Variants in NANOGNB observed in about 807,000 individuals in gnomAD.
NANOGNB encodes the protein homeobox C14.
Under a neutral mutation model 25.0 loss-of-function variants are expected in NANOGNB, and 30 were observed. The observed-to-expected ratio is 1.20, with a 90% CI of 0.90 to 1.63. NANOGNB has a LOEUF of 1.63. Among genes scored for constraint, NANOGNB ranks in the 40% most tolerant of loss-of-function variants. The probability of loss-of-function intolerance (pLI) is 0.00; values close to 1 mark genes in which losing one functional copy is unlikely to be tolerated. For synonymous variants in NANOGNB, 84 were observed against 62.1 expected (o/e 1.35, Z -1.66); for missense variants, 200 against 188.1 (o/e 1.06, Z -0.37).
rs1034341755 is a variant in NANOGNB, at chr12:7,769,989, T to A, written c.109T>A (p.Ser37Thr). 2.0e-5 allele frequency: 30 copies of A among 1,501,456 alleles called. No individual in the cohort carries two copies. The highest frequency in any genetic ancestry group is 2.7e-5 in the Non-Finnish European group (30 of 1,130,276). 93.0% of individuals were successfully genotyped at this position (1,501,456 alleles called of 1,614,324 possible). ...IETILANKKQ[S>T]AMPWDQDPEQ... ...CACGGATCTTTTTATACAGAAACAA[T>A]CAGCTATGCCTTGGGATCAAGATCC... is the stretch of plus-strand genomic sequence containing the variant. The change falls in exon 2 of 4, where the codon TCA becomes ACA. Residue 37 changes from serine to threonine, a missense_variant. Transcript: ENST00000382119.
Position 7,765,255 on chromosome 12 carries a change from C to T in NANOGNB, c.-31C>T, listed in dbSNP as rs772529209. On this transcript the variant is annotated 5_prime_UTR_variant, in exon 1 of 4. Coordinates refer to ENST00000382119, the MANE Select transcript of NANOGNB (RefSeq NM_001145465.1). ...GTCGGTCATCTCTGTAACCTCCCTA[C>T]CAAGGACTAATTGGTCTTTAAAACT... 22 of 1,288,782 alleles carry T rather than the reference C, an allele frequency of 1.7e-5. No individual in the cohort carries two copies. In the South Asian group the frequency reaches 2.5e-4, roughly 14 times the overall value. 79.8% of individuals were successfully genotyped at this position (1,288,782 alleles called of 1,614,324 possible).
Position 7,773,853 on chromosome 12 carries a change from C to T in NANOGNB, c.*2C>T, listed in dbSNP as rs1394470453. On this transcript the variant is annotated 3_prime_UTR_variant, in exon 4 of 4. Coordinates refer to ENST00000382119, the MANE Select transcript of NANOGNB (RefSeq NM_001145465.1). ...TCTCGAACTCCTGCCCTCAAGTGAT[C>T]TTCCTATTTTGGCCTCCAGAAATGC... is the stretch of plus-strand genomic sequence containing the variant. 5.4e-6 allele frequency: 3 copies of T among 556,444 alleles called. No homozygotes were observed. Among genetic ancestry groups the T allele is most frequent in the Admixed American group, 3.2e-5 (1 of 31,078 alleles). 34.5% of individuals were successfully genotyped at this position (556,444 alleles called of 1,614,324 possible). A position where few individuals can be genotyped will look rare whatever the true frequency, so the allele number is the denominator to read the frequency against.
chr12:7,771,714 G>A (rs901736595), intron 3 of NANOGNB, among the ~76,000 whole-genome samples: 2 of 151,774 alleles, frequency 1.3e-5, no homozygotes, highest in Non-Finnish European at 2.9e-5. Context: ...TCTACCTCCT[G>A]GGTTCAAGCG....
chr12:7,767,965 G>C (rs538651539), intron 1 of NANOGNB, among the ~76,000 whole-genome samples: 69 of 151,918 alleles, frequency 4.5e-4, no homozygotes, highest in Non-Finnish European at 8.8e-4. Flanking sequence ...CTCTCGCCTC[G>C]GCCTCCCAAA....
At chr12:7,770,573 C>T (rs181845898) in intron 3 of NANOGNB, 55 bp downstream of exon 3, 73 of 1,157,504 alleles carry the variant, frequency 6.3e-5, no homozygotes, top group Admixed American at 3.9e-4. Context: ...TATTGACTTC[C>T]GGAGTTGGTT....
chr12:7,768,427 G>A (rs1865263538), intron 1 of NANOGNB, among the ~76,000 whole-genome samples: 1 of 152,092 alleles, frequency 6.6e-6, no homozygotes, highest in African/African-American at 2.4e-5. Context: ...TTGAGTATCA[G>A]TGTGATGGTC....
At chr12:7,767,529 C>T (rs1471062793) in intron 1 of NANOGNB, among the ~76,000 whole-genome samples, 1 of 151,908 alleles carries the variant, frequency 6.6e-6, no homozygotes, top group Non-Finnish European at 1.5e-5. Flanking sequence ...GCTGCCATCC[C>T]ACCTCACCCA....
In NANOGNB at chr12:7,774,062, T is replaced by G. The variant is rs1176845936; in HGVS notation, c.*211T>G. 7.9e-6 allele frequency: 3 copies of G among 379,618 alleles called. No homozygotes were observed. Among genetic ancestry groups the G allele is most frequent in the Non-Finnish European group, 9.3e-6 (2 of 215,920 alleles). The allele number at this position is 379,618 out of a possible 1,614,324, so 23.5% of individuals were successfully genotyped here. ...TGTTTTATTTTTACCCTACTGTAGA[T>G]TTAAAGTTTTTATAATGGATGTTAA... is the stretch of plus-strand genomic sequence containing the variant. On this transcript the variant is annotated 3_prime_UTR_variant, in exon 4 of 4. Coordinates refer to ENST00000382119, the MANE Select transcript of NANOGNB (RefSeq NM_001145465.1).
intron 1 of NANOGNB, among the ~76,000 whole-genome samples, chr12:7,769,326 A>AT (rs71038746): frequency 7.0e-4 from 100 of 141,864 alleles, no homozygotes; most frequent in East Asian, 1.7e-3. Context: ...TGCCTGGCAA[A>AT]TTTTTTTTTT....
chr12:7,766,220 C>T, intron 1 of NANOGNB: 2 of 398,594 alleles, frequency 5.0e-6, no homozygotes, highest in East Asian at 3.6e-5. Context: ...CCTCAAATCC[C>T]AGCACTTTGG....
chr12:7,767,381 GTT>G lies in NANOGNB; in HGVS notation c.102+2009_102+2010del, dbSNP rs63721661. Among the ~76,000 whole-genome samples, 192 of 140,272 alleles carry G rather than the reference GTT, an allele frequency of 1.4e-3. 1 individual carries two copies. The Middle Eastern group carries it at 0.014, about 11-fold the overall frequency. 92.0% of individuals were successfully genotyped at this position (140,272 alleles called of 152,430 possible). On this transcript the variant is annotated intron_variant, in intron 1 of 3. Coordinates refer to ENST00000382119, the MANE Select transcript of NANOGNB (RefSeq NM_001145465.1). ...ATAGAAGGATGTGGGTTACAAGAGG[GTT>G]TTTTTTTTTTTTTTCTAACAAAAGA...
At chr12:7,766,783 C>T (rs998138771) in intron 1 of NANOGNB, among the ~76,000 whole-genome samples, 2 of 150,852 alleles carry the variant, frequency 1.3e-5, no homozygotes, top group South Asian at 4.2e-4. Flanking sequence ...CCACTTCGGC[C>T]TCCCAAAGTG....
chr12:7,768,964 C>T (rs1189350907), intron 1 of NANOGNB, among the ~76,000 whole-genome samples: 2 of 151,926 alleles, frequency 1.3e-5, no homozygotes, highest in African/African-American at 4.8e-5. Context: ...TAATTAAAAT[C>T]CATATTAATC....
chr12:7,769,609 C>T (rs1356731828), intron 1 of NANOGNB, among the ~76,000 whole-genome samples: 2 of 152,160 alleles, frequency 1.3e-5, no homozygotes, highest in East Asian at 3.9e-4. Flanking sequence ...AGGCGTGAGC[C>T]ACCACCTCCC....
At position 7,773,546 on chromosome 12, in the gene NANOGNB, C is replaced by CAAAAAAAAAAAAAAAAAAAA. The variant is rs869038102; in HGVS notation, c.516-240_516-221dup. 5.2e-4 allele frequency among the ~76,000 whole-genome samples: 8 copies of CAAAAAAAAAAAAAAAAAAAA among 15,442 alleles called. 2 individuals are homozygous for CAAAAAAAAAAAAAAAAAAAA. Among genetic ancestry groups the CAAAAAAAAAAAAAAAAAAAA allele is most frequent in the Admixed American group, 2.7e-3 (2 of 754 alleles). The allele number at this position is 15,442 out of a possible 152,430, so 10.1% of individuals were successfully genotyped here. ...TGAAACTCCATCTCTACTAAAAATA[C>CAAAAAAAAAAAAAAAAAAAA]AAAAAAAAAAAAAAAAAAAAAAAAA... On this transcript the variant is annotated intron_variant, in intron 3 of 3. Coordinates refer to ENST00000382119, the MANE Select transcript of NANOGNB (RefSeq NM_001145465.1).
intron 1 of NANOGNB, among the ~76,000 whole-genome samples, chr12:7,768,186 A>G (rs1425915173): frequency 6.6e-6 from 1 of 152,104 alleles, no homozygotes; most frequent in African/African-American, 2.4e-5. Flanking sequence ...TTCTGCCTCT[A>G]TTGAGATGAT....
At chr12:7,772,181 G>A (rs1862574070) in intron 3 of NANOGNB, among the ~76,000 whole-genome samples, 1 of 152,220 alleles carries the variant, frequency 6.6e-6, no homozygotes. Context: ...CTTCCTGGCA[G>A]CCAGTGCAGG....
intron 3 of NANOGNB, among the ~76,000 whole-genome samples, chr12:7,773,471 C>T (rs1391423554): frequency 7.0e-6 from 1 of 142,804 alleles, no homozygotes; most frequent in East Asian, 2.1e-4. Flanking sequence ...GAGGCCAAGG[C>T]AGGTGGATCA....
In NANOGNB at chr12:7,770,180, G is replaced by C; in HGVS notation, c.300G>C (p.Gln100His). 6.4e-7 allele frequency: 1 copy of C among 1,551,800 alleles called. No individual in the cohort carries two copies. The highest frequency in any genetic ancestry group is 8.7e-7 in the Non-Finnish European group (1 of 1,146,970). The change falls in exon 2 of 4, where the codon CAG (glutamine) becomes CAC (histidine). Residue 100 changes from glutamine to histidine, a missense_variant. By Grantham distance (24) the Gln-to-His change is conservative (BLOSUM62 0). Coordinates refer to ENST00000382119, the MANE Select transcript of NANOGNB (RefSeq NM_001145465.1). Reference protein sequence around the residue: ...ENKRKRENEKQKQYPEKRLVS... With the variant: ...ENKRKRENEKHKQYPEKRLVS... The stretch of plus-strand genomic sequence containing the variant: ...AAAGGAAAAGGGAAAATGAGAAACA[G>C]AAACAGTATCCCGAGAAAAGATTAG...
Sources: gnomAD v4.1 joint callset for allele counts (sites outside exome capture counted in the v4.1 genomes callset) on GRCh38, gnomAD v4.1.1 for gene constraint, MANE v1.5 for transcripts, NCBI Gene and HGNC (gene_info 2026-07-23, HGNC 2026-07-21) for gene names.